ZNF98: variants seen among roughly 807,000 people sequenced by gnomAD.
The protein encoded by ZNF98 is zinc finger protein 98, also known as zinc finger protein 739.
In ZNF98, 8 loss-of-function variants were observed where a neutral mutation model predicts 12.8. The observed-to-expected ratio is 0.63, with a 90% CI of 0.37 to 1.13. ZNF98 has a LOEUF of 1.13. Ranked by LOEUF, ZNF98 falls within the 50% of genes most tolerant of loss-of-function variation. The pLI is 0.01. For missense variants in ZNF98, 379 were observed against 666.1 expected (o/e 0.57, Z 4.74); for synonymous variants, 112 against 223.5 (o/e 0.50, Z 4.45).
intron 3 of ZNF98, 143 bp from the exon 4 acceptor site, chr19:22,393,124 A>G (rs1226519731): frequency 1.5e-5 from 14 of 920,686 alleles, no homozygotes; most frequent in Non-Finnish European, 2.1e-5. Flanking sequence ...TCACAGACAT[A>G]TAAAAGCATA....
rs543755292 is a variant in ZNF98 at position 22,414,799 on chromosome 19, C to T, written c.30+7396G>A. 7.2e-5 allele frequency among the ~76,000 whole-genome samples: 11 copies of T among 152,074 alleles called. No homozygotes were observed. In the East Asian group the frequency reaches 1.9e-3, roughly 27 times the overall value. ...TATATTTAAAAAGATCCATGAAATA[C>T]CATTCTAGACACAGAAGCCGGCAAA... On this transcript the variant is annotated intron_variant, in intron 1 of 3. Transcript: ENST00000357774.
chr19:22,417,960 G>A (rs1299518816), intron 1 of ZNF98, among the ~76,000 whole-genome samples: 1 of 152,162 alleles, frequency 6.6e-6, no homozygotes, highest in African/African-American at 2.4e-5. Flanking sequence ...GACAGCCTGT[G>A]TACAGGAGAG....
At chr19:22,413,869 CAAAAAA>C (rs57148885) in intron 1 of ZNF98, among the ~76,000 whole-genome samples, 1 of 43,188 alleles carries the variant, frequency 2.3e-5, no homozygotes, top group East Asian at 7.3e-4. Flanking sequence ...AACTCCGTCT[CAAAAAA>C]AAAAAAAAAA....
chr19:22,397,212 TTGTG>T (rs3084811), intron 3 of ZNF98, among the ~76,000 whole-genome samples: 71 of 145,326 alleles, frequency 4.9e-4, no homozygotes, highest in African/African-American at 1.7e-3. Flanking sequence ...GTGTGTGTTT[TTGTG>T]TGTGTGTGTG....
chr19:22,403,661 G>A (rs1969487081), intron 1 of ZNF98, 149 bp from the exon 2 acceptor site: 1 of 844,740 alleles, frequency 1.2e-6, no homozygotes, highest in Non-Finnish European at 1.7e-6. Flanking sequence ...CAGCACAGAA[G>A]TATTCTCTAA....
chr19:22,409,064 A>G (rs1456891248), intron 1 of ZNF98, among the ~76,000 whole-genome samples: 2 of 152,210 alleles, frequency 1.3e-5, no homozygotes, highest in African/African-American at 4.8e-5. Flanking sequence ...AATAACCAAA[A>G]CAACATGGTA....
At chr19:22,422,153 GC>G in intron 1 of ZNF98, 41 bp downstream of exon 1, 8 of 1,612,050 alleles carry the variant, frequency 5.0e-6, no homozygotes, top group Non-Finnish European at 6.8e-6. Context: ...GTTCCAACCA[GC>G]CCCTTCTCCT....
intron 3 of ZNF98, among the ~76,000 whole-genome samples, chr19:22,399,334 A>G (rs2145111040): frequency 6.6e-6 from 1 of 152,318 alleles, no homozygotes. Context: ...CTCTAATGAC[A>G]AACTGATAAA....
intron 1 of ZNF98, among the ~76,000 whole-genome samples, chr19:22,404,957 G>C (rs892965995): frequency 6.6e-6 from 1 of 151,944 alleles, no homozygotes; most frequent in African/African-American, 2.4e-5. Flanking sequence ...TTCCCCAATA[G>C]GAATATTCAG....
chr19:22,394,639 G>A (rs556131251), intron 3 of ZNF98, among the ~76,000 whole-genome samples: 50 of 150,510 alleles, frequency 3.3e-4, no homozygotes, highest in African/African-American at 1.2e-3. Flanking sequence ...TGAGCAATGA[G>A]AATACCTGGA....
rs1046046486 is a variant in ZNF98 at position 22,391,409 on chromosome 19, G to C, written c.*107C>G. ...GCAATAAGGTTTGAGCATTGTGTAA[G>C]TTTTGCCACACTGTTCACACTTGTA... On this transcript the variant is annotated 3_prime_UTR_variant, in exon 4 of 4. Transcript: ENST00000357774. The C allele has an allele frequency of 8.4e-5, 125 of 1,487,446 alleles. No individual in the cohort carries two copies. Among genetic ancestry groups the C allele is most frequent in the Non-Finnish European group, 1.1e-4 (122 of 1,120,390 alleles). 92.1% of individuals were successfully genotyped at this position (1,487,446 alleles called of 1,614,324 possible).
chr19:22,400,047 C>T (rs1382596280), intron 3 of ZNF98, among the ~76,000 whole-genome samples: 10 of 152,050 alleles, frequency 6.6e-5, no homozygotes, highest in East Asian at 3.9e-4. Flanking sequence ...TGGCAAACTA[C>T]AGGACCCCTG....
intron 1 of ZNF98, among the ~76,000 whole-genome samples, chr19:22,418,420 C>G (rs190795699): frequency 6.6e-6 from 1 of 152,092 alleles, no homozygotes; most frequent in Admixed American, 6.5e-5. Flanking sequence ...CATAGATAAT[C>G]CTGGTAAATA....
intron 1 of ZNF98, among the ~76,000 whole-genome samples, chr19:22,411,754 T>G (rs1255073700): frequency 1.3e-5 from 2 of 152,224 alleles, no homozygotes; most frequent in African/African-American, 4.8e-5. Flanking sequence ...TTTTCACATA[T>G]GTGAATAAAG....
chr19:22,401,010 C>T (rs2145112236), intron 3 of ZNF98, among the ~76,000 whole-genome samples: 1 of 150,106 alleles, frequency 6.7e-6, no homozygotes, highest in African/African-American at 2.5e-5. Flanking sequence ...GAGGTGTTTA[C>T]TCCTTCAAAC....
chr19:22,404,706 A>G (rs73923892), intron 1 of ZNF98, among the ~76,000 whole-genome samples: 2,166 of 152,346 alleles, frequency 0.014, 55 homozygotes, highest in African/African-American at 0.05. Context: ...TTTTATGCAA[A>G]GTTCCAGATA....
At chr19:22,395,418 T>C (rs1239097355) in intron 3 of ZNF98, among the ~76,000 whole-genome samples, 1 of 151,674 alleles carries the variant, frequency 6.6e-6, no homozygotes, top group African/African-American at 2.4e-5. Context: ...CAGGGCAATA[T>C]AATTTCATCA....
chr19:22,414,474 T>C (rs1193747118), intron 1 of ZNF98, among the ~76,000 whole-genome samples: 3 of 152,100 alleles, frequency 2.0e-5, no homozygotes, highest in African/African-American at 7.2e-5. Flanking sequence ...GTCATTACAT[T>C]ACCTGAATTC....
chr19:22,393,883 C>G (rs1377578819), intron 3 of ZNF98, among the ~76,000 whole-genome samples: 1 of 151,986 alleles, frequency 6.6e-6, no homozygotes, highest in Non-Finnish European at 1.5e-5. Flanking sequence ...GAAACTACCA[C>G]CAGAATGAAC....
Sources: gnomAD v4.1 joint callset for allele counts (sites outside exome capture counted in the v4.1 genomes callset) on GRCh38, gnomAD v4.1.1 for gene constraint, MANE v1.5 for transcripts, NCBI Gene and HGNC (gene_info 2026-07-23, HGNC 2026-07-21) for gene names.